KDM4C: variants seen among roughly 807,000 people sequenced by gnomAD.
KDM4C encodes lysine-specific demethylase 4C.
Under a neutral mutation model 129.3 loss-of-function variants are expected in KDM4C, and 81 were observed. The observed-to-expected ratio is 0.63, with a 90% confidence interval of 0.52 to 0.75. KDM4C has a LOEUF of 0.75. Ranked by LOEUF, KDM4C falls within the 30% of genes least tolerant of loss-of-function variation. The pLI, the probability that KDM4C is intolerant of heterozygous loss-of-function variation, is 0.00. For missense variants in KDM4C, 1,457 were observed against 1,304.0 expected (o/e 1.12, Z -1.81); for synonymous variants, 573 against 456.1 (o/e 1.26, Z -3.26).
chr9:7,024,528 C>G (rs1484057082), intron 15 of KDM4C, among the ~76,000 whole-genome samples: 2 of 151,580 alleles, frequency 1.3e-5, no homozygotes, highest in East Asian at 3.9e-4. Flanking sequence ...GTTCCCCTTC[C>G]TGTGTCCATG....
At chr9:7,056,317 C>T (rs998027324) in intron 17 of KDM4C, among the ~76,000 whole-genome samples, 4 of 149,588 alleles carry the variant, frequency 2.7e-5, no homozygotes, top group African/African-American at 9.9e-5. Flanking sequence ...ACATATGTCT[C>T]CAGCTTTGTA....
chr9:7,139,860 CA>C (rs762597326), intron 19 of KDM4C, among the ~76,000 whole-genome samples: 11 of 152,070 alleles, frequency 7.2e-5, no homozygotes, highest in Admixed American at 3.9e-4. Context: ...TAATTTGACT[CA>C]GGGGCATAAG....
chr9:6,922,127 G>A (rs1366741723), intron 8 of KDM4C, among the ~76,000 whole-genome samples: 1 of 152,226 alleles, frequency 6.6e-6, no homozygotes, highest in Non-Finnish European at 1.5e-5. Flanking sequence ...ATGAATGAAT[G>A]AATGTATGAT....
At chr9:7,000,566 A>G (rs1820548317) in intron 12 of KDM4C, among the ~76,000 whole-genome samples, 1 of 152,228 alleles carries the variant, frequency 6.6e-6, no homozygotes, top group South Asian at 2.1e-4. Context: ...CTACCCAGGA[A>G]CAGATTTTGA....
chr9:6,733,853 G>T (rs778404974), intron 1 of KDM4C, among the ~76,000 whole-genome samples: 1 of 152,180 alleles, frequency 6.6e-6, no homozygotes, highest in Non-Finnish European at 1.5e-5. Flanking sequence ...GACCATATAG[G>T]TTAACTTCCT....
intron 8 of KDM4C, among the ~76,000 whole-genome samples, chr9:6,964,641 G>A (rs1286435087): frequency 1.3e-5 from 2 of 152,010 alleles, no homozygotes; most frequent in African/African-American, 4.8e-5. Flanking sequence ...AATTAGCCGG[G>A]TGTGGTGGTG....
chr9:7,073,282 T>C (rs1014468974), intron 17 of KDM4C, among the ~76,000 whole-genome samples: 1 of 152,262 alleles, frequency 6.6e-6, no homozygotes, highest in African/African-American at 2.4e-5. Flanking sequence ...TGCTTTTTCA[T>C]TGTGATAATT....
chr9:6,980,970 G>T lies in KDM4C; in HGVS notation c.967G>T (p.Val323Leu). The change falls in exon 9 of 22, where the codon GTG becomes TTG. Residue 323 changes from valine to leucine, a missense_variant. Val to Leu is a conservative substitution (Grantham distance 32). Coordinates refer to ENST00000381309, the MANE Select transcript of KDM4C (RefSeq NM_015061.6). ...GGTGAAGATTTCAATGGATATCTTT[G>T]TGAGGAAATTTCAGCCAGACAGATA... ...DMVKISMDIF[V>L]RKFQPDRYQL... 2 of 1,613,728 alleles carry T rather than the reference G, an allele frequency of 1.2e-6. No individual in the cohort carries two copies. Among genetic ancestry groups the T allele is most frequent in the South Asian group, 1.1e-5 (1 of 91,042 alleles).
intron 5 of KDM4C, among the ~76,000 whole-genome samples, chr9:6,876,014 C>A (rs906394425): frequency 1.3e-5 from 2 of 152,148 alleles, no homozygotes; most frequent in Admixed American, 6.5e-5. Flanking sequence ...GAACATAGGG[C>A]CTGATCATCA....
intron 15 of KDM4C, among the ~76,000 whole-genome samples, chr9:7,046,521 T>A (rs1829419705): frequency 6.6e-6 from 1 of 152,026 alleles, no homozygotes; most frequent in Non-Finnish European, 1.5e-5. Flanking sequence ...GCTCTAGAAT[T>A]CTTGCATATA....
intron 4 of KDM4C, among the ~76,000 whole-genome samples, chr9:6,821,496 T>G: frequency 6.6e-6 from 1 of 152,220 alleles, no homozygotes; most frequent in East Asian, 1.9e-4. Flanking sequence ...TTTTCTTGTG[T>G]CTGTTGGCTG....
chr9:6,829,756 G>T (rs1834500749), intron 4 of KDM4C, among the ~76,000 whole-genome samples: 1 of 152,184 alleles, frequency 6.6e-6, no homozygotes, highest in Non-Finnish European at 1.5e-5. Flanking sequence ...GGTCAGAAGG[G>T]CATTTCCCCT....
chr9:7,048,282 A>G (rs1469930217), intron 16 of KDM4C, among the ~76,000 whole-genome samples: 1 of 152,096 alleles, frequency 6.6e-6, no homozygotes, highest in East Asian at 1.9e-4. Flanking sequence ...CCCTGGTGGG[A>G]TCGATACTTG....
At chr9:6,945,452 T>C (rs1826792098) in intron 8 of KDM4C, among the ~76,000 whole-genome samples, 1 of 152,190 alleles carries the variant, frequency 6.6e-6, no homozygotes, top group African/African-American at 2.4e-5. Context: ...TTGTTGATAT[T>C]TATTTGCCTA....
At chr9:7,148,679 G>A (rs1239567546) in intron 19 of KDM4C, among the ~76,000 whole-genome samples, 2 of 152,172 alleles carry the variant, frequency 1.3e-5, no homozygotes, top group African/African-American at 4.8e-5. Flanking sequence ...GAGATTATGT[G>A]GACAATTGGA....
intron 15 of KDM4C, among the ~76,000 whole-genome samples, chr9:7,019,458 TA>T (rs1368323394): frequency 2.2e-4 from 30 of 137,582 alleles, no homozygotes; most frequent in South Asian, 9.8e-4. Flanking sequence ...ATTTTTTTTT[TA>T]AAAAACCTGC....
intron 20 of KDM4C, among the ~76,000 whole-genome samples, chr9:7,169,402 C>A (rs13296722): frequency 6.6e-6 from 1 of 152,178 alleles, no homozygotes; most frequent in South Asian, 2.1e-4. Context: ...GTGGTGCGAT[C>A]TCAGCTCACT....
intron 3 of KDM4C, among the ~76,000 whole-genome samples, chr9:6,814,152 CATT>C (rs1452584336): frequency 6.6e-6 from 1 of 152,070 alleles, no homozygotes; most frequent in Non-Finnish European, 1.5e-5. Flanking sequence ...TAAGAGGTGT[CATT>C]ATTTTCTTGC....
chr9:6,764,363 A>C (rs1820197162), intron 1 of KDM4C, among the ~76,000 whole-genome samples: 1 of 152,150 alleles, frequency 6.6e-6, no homozygotes, highest in African/African-American at 2.4e-5. Flanking sequence ...AAATGTCCTA[A>C]TTGGTTCATT....
Sources: gnomAD v4.1 joint callset for allele counts (sites outside exome capture counted in the v4.1 genomes callset) on GRCh38, gnomAD v4.1.1 for gene constraint, MANE v1.5 for transcripts, NCBI Gene and HGNC (gene_info 2026-07-23, HGNC 2026-07-21) for gene names.